HMCN2: variants seen among roughly 807,000 people sequenced by gnomAD.
HMCN2 encodes hemicentin-2.
In HMCN2, 325 loss-of-function variants were observed where a neutral mutation model predicts 377.5. That is an observed-to-expected ratio of 0.86 (90% CI 0.79 to 0.94). HMCN2 has a LOEUF of 0.94. Ranked by LOEUF, HMCN2 falls within the 40% of genes least tolerant of loss-of-function variation. The probability of loss-of-function intolerance (pLI) is 0.00; values close to 1 mark genes in which losing one functional copy is unlikely to be tolerated. For synonymous variants in HMCN2, 2,007 were observed against 2,046.8 expected (o/e 0.98, Z 0.53); for missense variants, 4,543 against 4,725.3 (o/e 0.96, Z 1.13).
At chr9:130,291,505 CG>C (rs1431641915) in intron 4 of HMCN2, among the ~76,000 whole-genome samples, 2 of 152,110 alleles carry the variant, frequency 1.3e-5, no homozygotes, top group African/African-American at 4.8e-5. Flanking sequence ...CCACAGTGCC[CG>C]GTCGCATACT....
Position 130,286,785 on chromosome 9 carries a change from G to T in HMCN2, c.612+475G>T, listed in dbSNP as rs557444827. Among the ~76,000 whole-genome samples the T allele has an allele frequency of 9.2e-5, 14 of 152,326 alleles. No individual in the cohort carries two copies. In the South Asian group the frequency reaches 2.7e-3, roughly 29 times the overall value. On this transcript the variant is annotated intron_variant, in intron 4 of 97. Coordinates refer to ENST00000683500, the MANE Select transcript of HMCN2 (RefSeq NM_001291815.2). ...GTGGTGCTGGGCACTGGGCAGGGAG[G>T]GGCTGGCTTGCTGTGTGGCCTACAG...
At chr9:130,433,326 C>T (rs545858172) in intron 97 of HMCN2, 22 bp from the exon 98 acceptor site, 7 of 1,414,018 alleles carry the variant, frequency 5.0e-6, no homozygotes, top group Admixed American at 6.1e-5. Context: ...TCCGCCTGTC[C>T]GTGTGTCTGT....
At chr9:130,344,971 TG>T (rs1839279310) in intron 25 of HMCN2, among the ~76,000 whole-genome samples, 1 of 149,604 alleles carries the variant, frequency 6.7e-6, no homozygotes, top group Admixed American at 6.6e-5. Flanking sequence ...GTGTAGTGTT[TG>T]GTGTATATGT....
In HMCN2 at chr9:130,362,133, C is replaced by T; in HGVS notation, c.6076C>T (p.Pro2026Ser). Reference sequence around the variant, plus strand: ...ACTGATGTGGCTGAAGGATGGAAACCCTGTGTCCCCTGCAGGGACCCCTGG... The same window carrying T: ...ACTGATGTGGCTGAAGGATGGAAACTCTGTGTCCCCTGCAGGGACCCCTGG... ...PTLMWLKDGN[P>S]VSPAGTPGLQ... The change falls in exon 39 of 98, where the codon CCT (proline) becomes TCT (serine). Residue 2026 changes from proline to serine, a missense_variant. By Grantham distance (74) the Pro-to-Ser change is moderately conservative. This residue lies in a region of HMCN2 where 1,032 missense variants were observed against 1,285.1 expected (regional missense o/e 0.80). Coordinates refer to ENST00000683500, the MANE Select transcript of HMCN2 (RefSeq NM_001291815.2). 1.0e-6 allele frequency: 1 copy of T among 985,962 alleles called. No homozygotes were observed. The allele number at this position is 985,962 out of a possible 1,614,324, so 61.1% of individuals were successfully genotyped here. A position where few individuals can be genotyped will look rare whatever the true frequency, so the allele number is the denominator to read the frequency against.
chr9:130,349,519 A>G lies in HMCN2; in HGVS notation c.4304-18A>G. On this transcript the variant is annotated intron_variant, in intron 28 of 97. Transcript: ENST00000683500. ...GGGTTTGAACAGTTTCCCACCCCTC[A>G]CGCCTTCTCACCCCCAGCCCCTCCT... 15 of 1,301,240 alleles carry G rather than the reference A, an allele frequency of 1.2e-5. No individual in the cohort carries two copies. Among genetic ancestry groups the G allele is most frequent in the Non-Finnish European group, 1.5e-5 (15 of 988,272 alleles). 80.6% of individuals were successfully genotyped at this position (1,301,240 alleles called of 1,614,324 possible).
At position 130,396,297 on chromosome 9, in the gene HMCN2, G is replaced by A. The variant is rs1300566429; in HGVS notation, c.11182G>A (p.Asp3728Asn). Residue 3728 changes from aspartate to asparagine, a missense_variant, in exon 73 of 98, where the codon GAT becomes AAT. By Grantham distance (23) the Asp-to-Asn change is conservative. This residue lies in a region of HMCN2 where 1,073 missense variants were observed against 1,319.5 expected (regional missense o/e 0.81). Coordinates refer to ENST00000683500, the MANE Select transcript of HMCN2 (RefSeq NM_001291815.2). ...VSWRKDRVPL[D>N]PRSPRFEILP... ...CTGGCGGAAGGACAGGGTCCCCCTG[G>A]ATCCCAGGAGCCCCAGGTGGGAGAG... 3 of 1,273,186 alleles carry A rather than the reference G, an allele frequency of 2.4e-6. No homozygotes were observed. Among genetic ancestry groups the A allele is most frequent in the South Asian group, 1.2e-5 (1 of 80,632 alleles). The allele number at this position is 1,273,186 out of a possible 1,614,324, so 78.9% of individuals were successfully genotyped here.
At chr9:130,287,954 T>C (rs1105621) in intron 4 of HMCN2, among the ~76,000 whole-genome samples, 49,338 of 152,074 alleles carry the variant, frequency 0.32, 8,147 homozygotes, top group East Asian at 0.51. Context: ...TAGCGTGCCT[T>C]AACTCCCTGT....
intron 25 of HMCN2, among the ~76,000 whole-genome samples, chr9:130,344,395 T>C (rs1449312495): frequency 2.6e-5 from 4 of 151,082 alleles, no homozygotes; most frequent in African/African-American, 4.9e-5. Flanking sequence ...ATGTATGTTG[T>C]ATAGTGTTTG....
In HMCN2 at chr9:130,360,513, G is replaced by A. The variant is rs758144378; in HGVS notation, c.5859G>A (p.Glu1953=). The change falls in exon 38 of 98, where the codon GAG becomes GAA. Residue 1953 remains glutamate, a synonymous_variant. Transcript: ENST00000683500. The surrounding 1 kb of genome is among the most constrained non-coding windows in gnomAD (Gnocchi z 4.7). Reference sequence around the variant, plus strand: ...TGGATGGGAGAGTTCTCCGCATTGAGCAAGCCCAGCTTTCTGATGCTGGGA... The same window carrying A: ...TGGATGGGAGAGTTCTCCGCATTGAACAAGCCCAGCTTTCTGATGCTGGGA... ...VSVDGRVLRI[E]QAQLSDAGSY... 6 of 1,304,152 alleles carry A rather than the reference G, an allele frequency of 4.6e-6. No homozygotes were observed. The South Asian group carries it at 6.2e-5, about 13-fold the overall frequency. 80.8% of individuals were successfully genotyped at this position (1,304,152 alleles called of 1,614,324 possible).
Position 130,352,986 on chromosome 9 carries a change from C to G in HMCN2, c.4645C>G (p.Leu1549Val). The change falls in exon 31 of 98, where the codon CTA becomes GTA. Residue 1549 changes from leucine to valine, a missense_variant. Around this residue, in one of 5 missense-constraint regions of HMCN2, gnomAD observed 1,032 missense variants for 1,285.1 expected, o/e 0.80. Transcript: ENST00000683500. ...TGEVAVMEDH[L>V]VQLLCEARGV... Reference sequence around the variant, plus strand: ...CGAGGTGGCCGTCATGGAGGACCACCTAGTGCAGCTCCTGTGTGAGGCTCG... The same window carrying G: ...CGAGGTGGCCGTCATGGAGGACCACGTAGTGCAGCTCCTGTGTGAGGCTCG... 7.7e-7 allele frequency: 1 copy of G among 1,303,890 alleles called. No individual in the cohort carries two copies. The highest frequency in any genetic ancestry group is 1.0e-6 in the Non-Finnish European group (1 of 988,766). 80.8% of individuals were successfully genotyped at this position (1,303,890 alleles called of 1,614,324 possible).
rs1840418999 is a variant in HMCN2 at position 130,362,131 on chromosome 9, AC to A, written c.6077del (p.Pro2026LeufsTer37). 2.0e-6 allele frequency: 2 copies of A among 985,804 alleles called. No individual in the cohort carries two copies. Among genetic ancestry groups the A allele is most frequent in the Middle Eastern group, 5.2e-4 (1 of 1,914 alleles). The allele number at this position is 985,804 out of a possible 1,614,324, so 61.1% of individuals were successfully genotyped here. A position where few individuals can be genotyped will look rare whatever the true frequency, so the allele number is the denominator to read the frequency against. ...SPTLMWLKDG[N>X]PVSPAGTPGL... ...ACACTGATGTGGCTGAAGGATGGAA[AC>A]CCTGTGTCCCCTGCAGGGACCCCTG... On this transcript the variant is annotated frameshift_variant, in exon 39 of 98. Transcript: ENST00000683500. LOFTEE classifies it high-confidence loss of function.
At position 130,429,691 on chromosome 9, in the gene HMCN2, G is replaced by A. The variant is rs991971540; in HGVS notation, c.14326+6G>A. 62 of 1,339,760 alleles carry A rather than the reference G, an allele frequency of 4.6e-5. No homozygotes were observed. Among genetic ancestry groups the A allele is most frequent in the African/African-American group, 1.2e-4 (8 of 65,496 alleles). 83.0% of individuals were successfully genotyped at this position (1,339,760 alleles called of 1,614,324 possible). On this transcript the variant is annotated splice_donor_region_variant and intron_variant, in intron 94 of 97. Coordinates refer to ENST00000683500, the MANE Select transcript of HMCN2 (RefSeq NM_001291815.2). ...CCCCAGCCTGCCCTGCCTAGGTACG[G>A]GGACACCCACCCTCTGGCCACACCG... is the stretch of plus-strand genomic sequence containing the variant.
chr9:130,273,217 A>T (rs1834498019), intron 1 of HMCN2, among the ~76,000 whole-genome samples: 1 of 151,066 alleles, frequency 6.6e-6, no homozygotes, highest in African/African-American at 2.4e-5. Context: ...TTTTTCCATT[A>T]CATTTTTTAC....
At chr9:130,400,610 G>A (rs563186195) in intron 76 of HMCN2, 173 bp from the exon 77 acceptor site, 6 of 253,468 alleles carry the variant, frequency 2.4e-5, no homozygotes, top group South Asian at 1.7e-4. Context: ...CTATAGCCCC[G>A]TGCCCAGAAG....
intron 40 of HMCN2, among the ~76,000 whole-genome samples, chr9:130,363,536 T>C (rs1003611432): frequency 1.3e-5 from 2 of 152,034 alleles, no homozygotes; most frequent in African/African-American, 4.8e-5. Context: ...GAAAGAATGC[T>C]GGGAGCTGGG....
Position 130,331,334 on chromosome 9 carries a change from G to A in HMCN2, c.3359+3859G>A, listed in dbSNP as rs1375367774. Among the ~76,000 whole-genome samples the A allele has an allele frequency of 2.0e-5, 3 of 152,192 alleles. No individual in the cohort carries two copies. The East Asian group carries it at 5.8e-4, about 29-fold the overall frequency. On this transcript the variant is annotated intron_variant, in intron 22 of 97. Transcript: ENST00000683500. ...TCCTGGGTCGGTTCCTTGCGGGACG[G>A]TCCCAGAAGCCAACGGTGAAGTCCG...
intron 32 of HMCN2, 97 bp from the exon 33 acceptor site, chr9:130,355,649 G>A: frequency 1.6e-6 from 1 of 628,910 alleles, no homozygotes; most frequent in Non-Finnish European, 2.6e-6. Context: ...AGGGTGAGGT[G>A]CAGCTGGGCC....
At chr9:130,402,012 G>A (rs148936600) in intron 77 of HMCN2, among the ~76,000 whole-genome samples, 1,903 of 152,294 alleles carry the variant, frequency 0.012, 25 homozygotes, top group Middle Eastern at 0.058. Flanking sequence ...AGGAGTTCAA[G>A]GATGCAGTGA....
chr9:130,424,167 ATATT>A (rs1478650218), intron 87 of HMCN2, among the ~76,000 whole-genome samples: 71 of 97,160 alleles, frequency 7.3e-4, no homozygotes, highest in African/African-American at 2.6e-3. Flanking sequence ...ATATATATAT[ATATT>A]TTTTTTTTTT....
Sources: gnomAD v4.1 joint callset for allele counts (sites outside exome capture counted in the v4.1 genomes callset) on GRCh38, gnomAD v4.1.1 for gene constraint, gnomAD v4.1.1 regional missense constraint, Gnocchi (gnomAD v3.1) non-coding constraint, MANE v1.5 for transcripts, NCBI Gene and HGNC (gene_info 2026-07-23, HGNC 2026-07-21) for gene names.